The following SYT14 variants were observed in gnomAD, a reference collection of about 807,000 sequenced individuals.
The protein encoded by SYT14 is synaptotagmin 14.
SYT14 carries 32 observed loss-of-function variants against 74.2 expected under a neutral mutation model. The observed-to-expected ratio is 0.43, with a 90% CI of 0.33 to 0.58. The LOEUF is 0.58. SYT14 is among the 20% of genes least tolerant of loss of function. SYT14 has a pLI of 0.05. For missense variants in SYT14, 791 were observed against 981.8 expected (o/e 0.81, Z 2.60); for synonymous variants, 298 against 337.7 (o/e 0.88, Z 1.29).
chr1:210,170,674 T>A (rs915654000), exon 10 of SYT14: 1 of 152,126 alleles, frequency 6.6e-6, no homozygotes, highest in Non-Finnish European at 1.5e-5. Context: ...CAGTCCTAAT[T>A]CTTGTCATTG....
At position 210,052,306 on chromosome 1, in the gene SYT14, C is replaced by T. The variant is rs551483961; in HGVS notation, c.1312+31052C>T. Among the ~76,000 whole-genome samples the T allele has an allele frequency of 3.2e-3, 477 of 151,226 alleles. 5 individuals are homozygous for T. The highest frequency in any genetic ancestry group is 0.011 in the African/African-American group (463 of 41,294). ...CGCGATCTCGGCTCACTGCAAGCTC[C>T]GCCTCCCGGGTTCACGCCATTCTCT... On this transcript the variant is annotated intron_variant, in intron 5 of 9. Coordinates refer to ENST00000637265, the Ensembl canonical transcript of SYT14.
chr1:209,942,797 C>A (rs368809379), intron 1 of SYT14, among the ~76,000 whole-genome samples: 1 of 151,932 alleles, frequency 6.6e-6, no homozygotes, highest in Non-Finnish European at 1.5e-5. Context: ...ACTGTTTTGC[C>A]AAAGTAAAAA....
intron 5 of SYT14, among the ~76,000 whole-genome samples, chr1:210,026,238 T>C (rs1428883974): frequency 6.6e-6 from 1 of 152,160 alleles, no homozygotes; most frequent in East Asian, 1.9e-4. Context: ...GGGCATTTTC[T>C]GATAAACCTC....
intron 5 of SYT14, among the ~76,000 whole-genome samples, chr1:210,022,360 G>A (rs942278843): frequency 6.6e-6 from 1 of 152,116 alleles, no homozygotes; most frequent in Non-Finnish European, 1.5e-5. Flanking sequence ...TGAGATTCAA[G>A]GGAAGAAGTA....
intron 7 of SYT14, among the ~76,000 whole-genome samples, chr1:210,114,378 C>T (rs2494188): frequency 0.1 from 15,475 of 151,424 alleles, 1,154 homozygotes; most frequent in Non-Finnish European, 0.13. Flanking sequence ...CCTCTCACAG[C>T]AGAGGCAGGT....
intron 5 of SYT14, among the ~76,000 whole-genome samples, chr1:210,079,542 C>T (rs1388055479): frequency 6.6e-6 from 1 of 152,000 alleles, no homozygotes; most frequent in African/African-American, 2.4e-5. Flanking sequence ...TGACATTGTC[C>T]GAGTTGAGAA....
At chr1:210,071,715 A>G (rs1242447316) in intron 5 of SYT14, among the ~76,000 whole-genome samples, 1 of 152,052 alleles carries the variant, frequency 6.6e-6, no homozygotes, top group African/African-American at 2.4e-5. Context: ...TGGTTGCTAC[A>G]CTAAGAAAGA....
At chr1:210,095,223 A>G in intron 6 of SYT14, among the ~76,000 whole-genome samples, 1 of 152,356 alleles carries the variant, frequency 6.6e-6, no homozygotes, top group South Asian at 2.1e-4. Flanking sequence ...AATGAAAACT[A>G]TATAAAGACA....
Position 210,046,286 on chromosome 1 carries a change from A to G in SYT14, c.1312+25032A>G, listed in dbSNP as rs147218436. 3.2e-3 allele frequency among the ~76,000 whole-genome samples: 480 copies of G among 152,314 alleles called. 2 individuals are homozygous for G. Among genetic ancestry groups the G allele is most frequent in the African/African-American group, 0.011 (443 of 41,570 alleles). On this transcript the variant is annotated intron_variant, in intron 5 of 9. Coordinates refer to ENST00000637265, the Ensembl canonical transcript of SYT14. The stretch of plus-strand genomic sequence containing the variant: ...CTACTTGGGAGGCTGAGGCAGGAGA[A>G]TCGCTTGAACCCAGGATGTGGAGGT...
At chr1:210,066,129 T>G (rs1162977445) in intron 5 of SYT14, among the ~76,000 whole-genome samples, 2 of 151,890 alleles carry the variant, frequency 1.3e-5, no homozygotes, top group Admixed American at 6.6e-5. Context: ...TCTATCATTG[T>G]TGGACATTTG....
intron 8 of SYT14, among the ~76,000 whole-genome samples, chr1:210,156,243 G>T (rs960707514): frequency 6.6e-6 from 1 of 152,154 alleles, no homozygotes; most frequent in Non-Finnish European, 1.5e-5. Context: ...AATGTATATA[G>T]CTATTGTTGT....
In SYT14 at chr1:210,159,514, T is replaced by C. The variant is rs1278249512; in HGVS notation, c.2281+37T>C. On this transcript the variant is annotated intron_variant, in intron 9 of 9. Coordinates refer to ENST00000637265, the Ensembl canonical transcript of SYT14. ...TAGAGGCTAATTGGATGTTGTCTTT[T>C]CATGCAAAACCAAAATACCCTAAAA... The C allele has an allele frequency of 3.2e-6, 5 of 1,546,330 alleles. No individual in the cohort carries two copies. In the Admixed American group the frequency reaches 5.9e-5, roughly 18 times the overall value.
At chr1:210,103,101 GT>G (rs768039363) in intron 7 of SYT14, among the ~76,000 whole-genome samples, 3 of 151,818 alleles carry the variant, frequency 2.0e-5, no homozygotes, top group Non-Finnish European at 2.9e-5. Context: ...TAAACTTACA[GT>G]TTTTTTCATA....
exon 10 of SYT14, chr1:210,168,191 A>G (rs2083476181): frequency 6.6e-6 from 1 of 152,294 alleles, no homozygotes; most frequent in African/African-American, 2.4e-5. Context: ...GGTTTGGCAT[A>G]ATTTTATTGT....
chr1:209,991,174 A>G (rs561851880), intron 2 of SYT14, among the ~76,000 whole-genome samples: 1 of 152,198 alleles, frequency 6.6e-6, no homozygotes, highest in African/African-American at 2.4e-5. Flanking sequence ...AGCTGCAAAA[A>G]GTGTAGAAGA....
At chr1:210,096,145 A>G (rs890823867) in intron 6 of SYT14, among the ~76,000 whole-genome samples, 6 of 152,210 alleles carry the variant, frequency 3.9e-5, no homozygotes, top group African/African-American at 1.2e-4. Context: ...GAGCTAAACA[A>G]TTTGACCAAG....
chr1:210,153,003 A>T (rs1333211153), intron 7 of SYT14, among the ~76,000 whole-genome samples: 1 of 152,180 alleles, frequency 6.6e-6, no homozygotes, highest in Non-Finnish European at 1.5e-5. Context: ...ATAGTATGCC[A>T]TTGTATGAAC....
chr1:209,961,679 T>A (rs1454373177), intron 2 of SYT14, among the ~76,000 whole-genome samples: 2 of 152,072 alleles, frequency 1.3e-5, no homozygotes, highest in African/African-American at 4.8e-5. Flanking sequence ...CTGAAGAAGG[T>A]AGGGACAGTC....
chr1:210,122,812 GATT>G (rs2082494337), intron 7 of SYT14, among the ~76,000 whole-genome samples: 2 of 152,156 alleles, frequency 1.3e-5, no homozygotes, highest in African/African-American at 4.8e-5. Context: ...TGAATTGTAA[GATT>G]AATATAATCT....
Sources: gnomAD v4.1 joint callset for allele counts (sites outside exome capture counted in the v4.1 genomes callset) on GRCh38, gnomAD v4.1.1 for gene constraint, MANE v1.5 for transcripts, NCBI Gene and HGNC (gene_info 2026-07-23, HGNC 2026-07-21) for gene names.